Variants in GPC5 observed in about 807,000 individuals in gnomAD.
The protein encoded by GPC5 is glypican 5.
Under a neutral mutation model 53.9 loss-of-function variants are expected in GPC5, and 47 were observed. The observed-to-expected ratio is 0.87, with a 90% CI of 0.69 to 1.11. The LOEUF (loss-of-function observed/expected upper bound fraction) is 1.11, where lower values mean the gene tolerates loss of function less well. GPC5 is among the 50% of genes most tolerant of loss of function. The probability of loss-of-function intolerance (pLI) is 0.00; values close to 1 mark genes in which losing one functional copy is unlikely to be tolerated. For synonymous variants in GPC5, 286 were observed against 263.3 expected, an observed-to-expected ratio of 1.09 and a Z score of -0.84; for missense variants, 748 against 713.1, an observed-to-expected ratio of 1.05 and a Z score of -0.56.
At chr13:91,661,835 C>T (rs573571393) in intron 2 of GPC5, among the ~76,000 whole-genome samples, 7 of 152,186 alleles carry the variant, frequency 4.6e-5, no homozygotes, top group East Asian at 3.9e-4. Context: ...AGAGAAGCAA[C>T]GAGGGGTCAG....
chr13:91,890,957 G>A (rs1054461022), intron 5 of GPC5, among the ~76,000 whole-genome samples: 7 of 152,108 alleles, frequency 4.6e-5, no homozygotes, highest in African/African-American at 1.7e-4. Context: ...TCTGGTTATG[G>A]CATCAAGCAG....
chr13:92,573,319 A>G (rs946344282), intron 7 of GPC5, among the ~76,000 whole-genome samples: 1 of 152,202 alleles, frequency 6.6e-6, no homozygotes, highest in Non-Finnish European at 1.5e-5. Flanking sequence ...ACCATTTTTA[A>G]GGGTAACTGG....
At chr13:92,790,065 C>G (rs1360513415) in intron 7 of GPC5, among the ~76,000 whole-genome samples, 2 of 152,134 alleles carry the variant, frequency 1.3e-5, no homozygotes, top group Non-Finnish European at 2.9e-5. Flanking sequence ...TTCAGCAAGT[C>G]AAGTTCTCCC....
chr13:92,061,555 C>A (rs1304912552), intron 6 of GPC5, among the ~76,000 whole-genome samples: 1 of 151,906 alleles, frequency 6.6e-6, no homozygotes, highest in Non-Finnish European at 1.5e-5. Flanking sequence ...TTATTGAAAT[C>A]AAGTTTTAAA....
intron 2 of GPC5, among the ~76,000 whole-genome samples, chr13:91,506,701 T>C (rs1884962958): frequency 1.4e-5 from 2 of 147,656 alleles, no homozygotes; most frequent in African/African-American, 4.9e-5. Flanking sequence ...AAAATGACTT[T>C]GAATAAAATA....
chr13:91,895,381 A>G (rs1299681626), intron 5 of GPC5, among the ~76,000 whole-genome samples: 1 of 152,208 alleles, frequency 6.6e-6, no homozygotes, highest in East Asian at 1.9e-4. Flanking sequence ...GCTTATAAAG[A>G]AAAAATGAGG....
At chr13:92,084,100 C>T (rs181760309) in intron 6 of GPC5, among the ~76,000 whole-genome samples, 1 of 152,104 alleles carries the variant, frequency 6.6e-6, no homozygotes, top group East Asian at 1.9e-4. Flanking sequence ...GGGAGAGGAC[C>T]AAAACACACT....
chr13:92,169,781 C>T (rs2042056505), intron 7 of GPC5, among the ~76,000 whole-genome samples: 1 of 151,978 alleles, frequency 6.6e-6, no homozygotes, highest in Non-Finnish European at 1.5e-5. Flanking sequence ...TAATTTGAGA[C>T]AGCATAGGTG....
intron 7 of GPC5, among the ~76,000 whole-genome samples, chr13:92,414,793 G>T (rs1025656890): frequency 6.6e-6 from 1 of 152,152 alleles, no homozygotes. Context: ...CCCACTTTCT[G>T]GTTCATAGAT....
intron 6 of GPC5, among the ~76,000 whole-genome samples, chr13:91,962,889 T>G (rs926452671): frequency 2.0e-5 from 3 of 152,150 alleles, no homozygotes; most frequent in African/African-American, 7.2e-5. Flanking sequence ...CCTATATTCC[T>G]CAGTTATTGT....
At chr13:91,930,461 T>G (rs1193766479) in intron 6 of GPC5, among the ~76,000 whole-genome samples, 7 of 152,102 alleles carry the variant, frequency 4.6e-5, no homozygotes, top group Non-Finnish European at 8.8e-5. Flanking sequence ...GTCTAAAATT[T>G]AATTTTTATA....
At chr13:92,125,780 T>C (rs533039803) in intron 6 of GPC5, among the ~76,000 whole-genome samples, 1 of 152,138 alleles carries the variant, frequency 6.6e-6, no homozygotes, top group Non-Finnish European at 1.5e-5. Flanking sequence ...CAAAATGGTA[T>C]AGTGCAAAGT....
chr13:92,406,012 A>G (rs1224663111), intron 7 of GPC5, among the ~76,000 whole-genome samples: 1 of 152,218 alleles, frequency 6.6e-6, no homozygotes, highest in Admixed American at 6.5e-5. Context: ...TTATGACTAA[A>G]GTATATACCA....
chr13:92,502,134 T>C (rs1190658938), intron 7 of GPC5, among the ~76,000 whole-genome samples: 1 of 152,044 alleles, frequency 6.6e-6, no homozygotes, highest in Non-Finnish European at 1.5e-5. Context: ...ATACCAATTC[T>C]GAATAGAGTG....
intron 7 of GPC5, among the ~76,000 whole-genome samples, chr13:92,608,023 A>G (rs544906785): frequency 2.5e-4 from 38 of 152,282 alleles, no homozygotes; most frequent in Admixed American, 2.5e-3. Context: ...GATTTTCTTA[A>G]TAACATTTTC....
chr13:92,429,646 C>T (rs569770515), intron 7 of GPC5, among the ~76,000 whole-genome samples: 5 of 151,914 alleles, frequency 3.3e-5, no homozygotes, highest in Admixed American at 1.3e-4. Flanking sequence ...TTTCTATCAA[C>T]CTCTCTGGAA....
chr13:92,071,046 G>A (rs1345761126), intron 6 of GPC5, among the ~76,000 whole-genome samples: 1 of 152,068 alleles, frequency 6.6e-6, no homozygotes, highest in Non-Finnish European at 1.5e-5. Context: ...GACCATCCTG[G>A]CCAACATGGT....
At chr13:91,669,988 T>C (rs2035206900) in intron 2 of GPC5, among the ~76,000 whole-genome samples, 1 of 152,164 alleles carries the variant, frequency 6.6e-6, no homozygotes, top group Admixed American at 6.5e-5. Context: ...CACATGTCAA[T>C]TGTATTATTG....
chr13:91,575,062 T>C (rs1395838801), intron 2 of GPC5, among the ~76,000 whole-genome samples: 4 of 152,296 alleles, frequency 2.6e-5, no homozygotes, highest in Admixed American at 2.6e-4. Flanking sequence ...GAAAAAGGTC[T>C]GAAGAGTAGT....
Sources: gnomAD v4.1 joint callset for allele counts (sites outside exome capture counted in the v4.1 genomes callset) on GRCh38, gnomAD v4.1.1 for gene constraint, MANE v1.5 for transcripts, NCBI Gene and HGNC (gene_info 2026-07-23, HGNC 2026-07-21) for gene names.